PSD2: variants seen among roughly 807,000 people sequenced by gnomAD.
The protein encoded by PSD2 is PH and SEC7 domain-containing protein 2.
Under a neutral mutation model 69.8 loss-of-function variants are expected in PSD2, and 38 were observed. The ratio of observed to expected loss-of-function variants is 0.54; its 90% CI spans 0.42 to 0.71. The LOEUF (loss-of-function observed/expected upper bound fraction) is 0.71. Among genes scored for constraint, PSD2 ranks in the 30% least tolerant of loss-of-function variants. The pLI is 0.00. For missense variants in PSD2, 943 were observed against 1,014.5 expected, an observed-to-expected ratio of 0.93 and a Z score of 0.96; for synonymous variants, 412 against 423.0, an observed-to-expected ratio of 0.97 and a Z score of 0.32.
At chr5:139,762,481 C>A in the PSD2 span, among the ~76,000 whole-genome samples, 51 of 151,938 alleles carry the variant, frequency 3.4e-4, 1 homozygote, top group Non-Finnish European at 1.3e-4. Flanking sequence ...GCTAGGACTA[C>A]AGGTGTGCAC....
chr5:139,826,120 G>A (rs1482017761), intron 7 of PSD2, among the ~76,000 whole-genome samples: 2 of 152,254 alleles, frequency 1.3e-5, no homozygotes, highest in African/African-American at 2.4e-5. Flanking sequence ...TGGGGTTGGA[G>A]TGGTCATGGG....
chr5:139,761,400 G>C, the PSD2 span, among the ~76,000 whole-genome samples: 1 of 152,152 alleles, frequency 6.6e-6, no homozygotes, highest in Non-Finnish European at 1.5e-5. Context: ...CAGAGGATCT[G>C]GGCAAAGCTG....
At chr5:139,744,225 C>T in the PSD2 span, among the ~76,000 whole-genome samples, 1 of 152,130 alleles carries the variant, frequency 6.6e-6, no homozygotes, top group African/African-American at 2.4e-5. Flanking sequence ...TCTGTGTGGG[C>T]TCATAACAAC....
chr5:139,781,490 C>G, the PSD2 span, among the ~76,000 whole-genome samples: 15 of 151,430 alleles, frequency 9.9e-5, no homozygotes, highest in African/African-American at 3.4e-4. Context: ...TGTCCGCCAC[C>G]ACGCCCGGCT....
chr5:139,809,288 C>T (rs1474754125), intron 1 of PSD2, 103 bp from the exon 2 acceptor site: 1 of 893,754 alleles, frequency 1.1e-6, no homozygotes, highest in Non-Finnish European at 1.7e-6. Flanking sequence ...TGGCCATCTC[C>T]CACTCTCAGG....
chr5:139,838,620 G>A lies in PSD2; in HGVS notation c.1824-8G>A, dbSNP rs756343855. 5 of 1,609,530 alleles carry A rather than the reference G, an allele frequency of 3.1e-6. No individual in the cohort carries two copies. The highest frequency in any genetic ancestry group is 4.2e-6 in the Non-Finnish European group (5 of 1,176,556). On this transcript the variant is annotated splice_polypyrimidine_tract_variant and splice_region_variant and intron_variant, in intron 12 of 14. Coordinates refer to ENST00000274710, the MANE Select transcript of PSD2 (RefSeq NM_032289.4). ...GAGGCCGGCACCCTCTCCCCCTCCT[G>A]TCCCCAGGAGCAAGGAAGAAATGCT...
intron 1 of PSD2, among the ~76,000 whole-genome samples, chr5:139,798,237 G>C (rs1281094213): frequency 1.3e-5 from 2 of 152,328 alleles, no homozygotes; most frequent in East Asian, 3.9e-4. Flanking sequence ...CTCAATGGAG[G>C]GGGAGGGGCC....
chr5:139,796,370 A>G (rs1373537359), intron 1 of PSD2, among the ~76,000 whole-genome samples: 5 of 152,194 alleles, frequency 3.3e-5, no homozygotes, highest in Non-Finnish European at 5.9e-5. Flanking sequence ...TGCCAGTGGC[A>G]GCCTGGTGGT....
intron 5 of PSD2, among the ~76,000 whole-genome samples, chr5:139,819,185 T>A (rs1055505865): frequency 6.6e-6 from 1 of 152,244 alleles, no homozygotes; most frequent in Non-Finnish European, 1.5e-5. Flanking sequence ...GTTTACGTTG[T>A]CCTTTGCTAG....
At chr5:139,834,938 C>T in intron 8 of PSD2, among the ~76,000 whole-genome samples, 1 of 150,218 alleles carries the variant, frequency 6.7e-6, no homozygotes, top group Non-Finnish European at 1.5e-5. Flanking sequence ...ACCCATCACC[C>T]ATATATATAT....
At chr5:139,795,504 G>T (rs1039106145), upstream of PSD2, among the ~76,000 whole-genome samples, 2 of 152,142 alleles carry the variant, frequency 1.3e-5, no homozygotes, top group Non-Finnish European at 2.9e-5. This position sits in a 1 kb window ranked among gnomAD's most constrained non-coding sequence, Gnocchi z 4.5. Flanking sequence ...GGGTCTGCCC[G>T]AGGGTTCGAG....
intron 7 of PSD2, among the ~76,000 whole-genome samples, chr5:139,825,864 G>A (rs1760403406): frequency 6.6e-6 from 1 of 152,310 alleles, no homozygotes; most frequent in Non-Finnish European, 1.5e-5. Flanking sequence ...TATGGGACTG[G>A]CTGATTGCCA....
intron 1 of PSD2, among the ~76,000 whole-genome samples, chr5:139,807,070 A>G (rs1441932000): frequency 6.6e-6 from 1 of 152,222 alleles, no homozygotes; most frequent in Non-Finnish European, 1.5e-5. Flanking sequence ...CAATCTGTCC[A>G]CAATTCTAGC....
the PSD2 span, among the ~76,000 whole-genome samples, chr5:139,766,010 G>A: frequency 6.6e-6 from 1 of 152,158 alleles, no homozygotes; most frequent in African/African-American, 2.4e-5. Flanking sequence ...CGGCGATGGG[G>A]TGACGGCAAG....
At chr5:139,825,405 T>C (rs1760391726) in intron 7 of PSD2, among the ~76,000 whole-genome samples, 1 of 152,226 alleles carries the variant, frequency 6.6e-6, no homozygotes, top group Non-Finnish European at 1.5e-5. Context: ...TTATTTGGGG[T>C]TCCTACCTTG....
chr5:139,833,626 C>T, intron 7 of PSD2, 76 bp from the exon 8 acceptor site: 2 of 1,000,962 alleles, frequency 2.0e-6, no homozygotes, highest in Non-Finnish European at 3.2e-6. Flanking sequence ...ATCCCTCTGG[C>T]TGGGCAGGGC....
At chr5:139,824,801 C>T (rs894394593) in intron 7 of PSD2, among the ~76,000 whole-genome samples, 1 of 152,174 alleles carries the variant, frequency 6.6e-6, no homozygotes, top group Admixed American at 6.5e-5. Context: ...CTCTTCAGAG[C>T]ACCTGATGCT....
At chr5:139,832,350 A>G (rs746937251) in intron 7 of PSD2, among the ~76,000 whole-genome samples, 1 of 152,276 alleles carries the variant, frequency 6.6e-6, no homozygotes, top group Admixed American at 6.5e-5. Context: ...ACACACTTGT[A>G]TCAAGGCATA....
the PSD2 span, among the ~76,000 whole-genome samples, chr5:139,751,477 C>T: frequency 9.2e-5 from 14 of 152,144 alleles, no homozygotes; most frequent in Non-Finnish European, 1.9e-4. Flanking sequence ...CTCCCACCCC[C>T]TTCAAGTGTG....
Sources: gnomAD v4.1 joint callset for allele counts (sites outside exome capture counted in the v4.1 genomes callset) on GRCh38, gnomAD v4.1.1 for gene constraint, Gnocchi (gnomAD v3.1) non-coding constraint, MANE v1.5 for transcripts, NCBI Gene and HGNC (gene_info 2026-07-23, HGNC 2026-07-21) for gene names.